Variants in MTMR6 observed in about 807,000 individuals in gnomAD.
MTMR6 encodes myotubularin related protein 6, also known as phosphatidylinositol-3,5-bisphosphate 3-phosphatase MTMR6.
Under a neutral mutation model 80.1 loss-of-function variants are expected in MTMR6, and 47 were observed. The ratio of observed to expected loss-of-function variants is 0.59; its 90% CI spans 0.46 to 0.75. MTMR6 has a LOEUF of 0.75. Among genes scored for constraint, MTMR6 ranks in the 30% least tolerant of loss-of-function variants. The pLI is 0.00. For synonymous variants in MTMR6, 254 were observed against 253.0 expected (o/e 1.00, Z -0.04); for missense variants, 629 against 730.9 (o/e 0.86, Z 1.61).
chr13:25,272,515 T>C (rs77043251), intron 2 of MTMR6, among the ~76,000 whole-genome samples: 2,827 of 152,248 alleles, frequency 0.019, 105 homozygotes, highest in African/African-American at 0.065. Flanking sequence ...ATTCTGAGGT[T>C]TGAGCTTTGA....
intron 2 of MTMR6, among the ~76,000 whole-genome samples, chr13:25,270,842 G>A (rs761407379): frequency 2.0e-5 from 3 of 152,064 alleles, no homozygotes; most frequent in Non-Finnish European, 1.5e-5. Context: ...GCAGTACAGG[G>A]GTGTACCACA....
chr13:25,269,486 A>G (rs1351357089), intron 2 of MTMR6, among the ~76,000 whole-genome samples: 2 of 152,174 alleles, frequency 1.3e-5, no homozygotes, highest in East Asian at 3.8e-4. Context: ...TAACACTCCT[A>G]TTAAAATATT....
At chr13:25,266,035 C>T in intron 4 of MTMR6, 88 bp from the exon 5 acceptor site, 1 of 1,592,050 alleles carries the variant, frequency 6.3e-7, no homozygotes, top group South Asian at 1.1e-5. Flanking sequence ...GCAAGAACAG[C>T]ACATTTCAGT....
chr13:25,265,360 G>C (rs943141254), intron 5 of MTMR6, among the ~76,000 whole-genome samples: 5 of 152,162 alleles, frequency 3.3e-5, no homozygotes, highest in Non-Finnish European at 7.4e-5. Flanking sequence ...GAAAATTTCT[G>C]TATTTGAGTA....
intron 5 of MTMR6, 86 bp downstream of exon 5, chr13:25,265,733 A>C: frequency 5.4e-6 from 4 of 736,390 alleles, no homozygotes; most frequent in Non-Finnish European, 7.2e-6. Flanking sequence ...CCCTATCTCA[A>C]AAAAAAAAAA....
chr13:25,247,635 T>C lies in MTMR6; in HGVS notation c.*1597A>G, dbSNP rs1022911548. The C allele has an allele frequency of 1.3e-5, 2 of 152,178 alleles. No individual in the cohort carries two copies. Among genetic ancestry groups the C allele is most frequent in the African/African-American group, 4.8e-5 (2 of 41,446 alleles). The allele number at this position is 152,178 out of a possible 1,614,324, so 9.4% of individuals were successfully genotyped here. On this transcript the variant is annotated 3_prime_UTR_variant, in exon 14 of 14. Coordinates refer to ENST00000381801, the MANE Select transcript of MTMR6 (RefSeq NM_004685.5). ...CCAGTGCTTAAATATGGAAGCAGGA[T>C]TGGTTAATCACATACTATATTTTAT...
intron 2 of MTMR6, among the ~76,000 whole-genome samples, chr13:25,272,210 T>C (rs906867206): frequency 6.6e-6 from 1 of 152,064 alleles, no homozygotes; most frequent in Non-Finnish European, 1.5e-5. Context: ...TAGAAGAAAA[T>C]ATAGAAGAAC....
At chr13:25,283,096 C>G (rs879467002) in intron 1 of MTMR6, among the ~76,000 whole-genome samples, 4 of 152,002 alleles carry the variant, frequency 2.6e-5, no homozygotes, top group Admixed American at 6.6e-5. Context: ...AGAAAAAAAT[C>G]TGACCACCTA....
chr13:25,281,342 A>G (rs1402431192), intron 1 of MTMR6, among the ~76,000 whole-genome samples: 1 of 151,788 alleles, frequency 6.6e-6, no homozygotes, highest in Non-Finnish European at 1.5e-5. Context: ...GTTGGAAAGG[A>G]AAGGAGAAAG....
At position 25,265,947 on chromosome 13, in the gene MTMR6, T is replaced by C; in HGVS notation, c.463A>G (p.Ile155Val). 1 of 1,613,050 alleles carries C rather than the reference T, an allele frequency of 6.2e-7. No individual in the cohort carries two copies. The highest frequency in any genetic ancestry group is 8.5e-7 in the Non-Finnish European group (1 of 1,179,078). ...QLSDANRDYK[I>V]CETYPRELYV... Reference sequence around the variant, plus strand: ...AGTTCTCTGGGGTAAGTTTCACAAATCTGTAAATATCAAACAAAACATAAC... The same window carrying C: ...AGTTCTCTGGGGTAAGTTTCACAAACCTGTAAATATCAAACAAAACATAAC... Residue 155 changes from isoleucine to valine, a missense_variant and splice_region_variant, in exon 5 of 14, where the codon ATT becomes GTT. Transcript: ENST00000381801.
rs1957973995 is a variant in MTMR6, at chr13:25,287,301, G to A, written c.-54C>T. 1 of 1,562,622 alleles carries A rather than the reference G, an allele frequency of 6.4e-7. No individual in the cohort carries two copies. Among genetic ancestry groups the A allele is most frequent in the African/African-American group, 1.4e-5 (1 of 73,734 alleles). On this transcript the variant is annotated 5_prime_UTR_variant, in exon 1 of 14. Coordinates refer to ENST00000381801, the MANE Select transcript of MTMR6 (RefSeq NM_004685.5). ...CTCACAGGCGTACCATACGGCTACAGAAACAGGGCGGTGACAGCGACAGAG... is the reference window on the plus strand; with the variant it reads ...CTCACAGGCGTACCATACGGCTACAAAAACAGGGCGGTGACAGCGACAGAG...
In MTMR6 at chr13:25,267,976, G is replaced by A. The variant is rs765194316; in HGVS notation, c.142-35C>T. The A allele has an allele frequency of 3.5e-5, 54 of 1,537,874 alleles. No homozygotes were observed. The South Asian group carries it at 6.2e-4, about 18-fold the overall frequency. ...GAAAAAACATCCAGGTCATCAACAT[G>A]GAAAGCACTAAATATTCTCTTCTAG... On this transcript the variant is annotated intron_variant, in intron 2 of 13. Transcript: ENST00000381801.
rs767521094 is a variant in MTMR6 at position 25,249,544 on chromosome 13, G to A, written c.1606-52C>T. 1.1e-5 allele frequency: 17 copies of A among 1,546,396 alleles called. No individual in the cohort carries two copies. In the African/African-American group the frequency reaches 2.1e-4, roughly 19 times the overall value. On this transcript the variant is annotated intron_variant, in intron 13 of 13. Transcript: ENST00000381801. ...TTACTAATTGCATAAGCCACAATAT[G>A]TTACATGAAAAAAGAAAACATGCTT...
chr13:25,260,398 C>T (rs1453230822), intron 6 of MTMR6, among the ~76,000 whole-genome samples: 3 of 152,296 alleles, frequency 2.0e-5, no homozygotes, highest in African/African-American at 7.2e-5. Flanking sequence ...AAACTCCTGA[C>T]CTCAGGTGAT....
chr13:25,252,786 T>A (rs1957118844), intron 11 of MTMR6, among the ~76,000 whole-genome samples: 1 of 152,232 alleles, frequency 6.6e-6, no homozygotes, highest in Non-Finnish European at 1.5e-5. Context: ...TGAATCACTG[T>A]AACATAGAGC....
chr13:25,257,575 C>T (rs1322469586), intron 8 of MTMR6, among the ~76,000 whole-genome samples, 161 bp downstream of exon 8: 1 of 151,228 alleles, frequency 6.6e-6, no homozygotes, highest in African/African-American at 2.4e-5. Context: ...ACATTAAGTG[C>T]TACATGATAT....
intron 1 of MTMR6, among the ~76,000 whole-genome samples, chr13:25,280,785 A>C (rs965176856): frequency 3.9e-5 from 6 of 152,252 alleles, no homozygotes; most frequent in African/African-American, 1.4e-4. Context: ...GACTTTGGGA[A>C]AAGAAAGAAC....
chr13:25,264,203 G>A (rs1489539604), intron 5 of MTMR6, among the ~76,000 whole-genome samples: 1 of 150,364 alleles, frequency 6.7e-6, no homozygotes, highest in Non-Finnish European at 1.5e-5. Flanking sequence ...AAACACCACA[G>A]CAAAAAAAGG....
At chr13:25,282,201 A>T (rs1305490505) in intron 1 of MTMR6, among the ~76,000 whole-genome samples, 2 of 151,982 alleles carry the variant, frequency 1.3e-5, no homozygotes, top group African/African-American at 4.8e-5. Context: ...CTCCCTCACC[A>T]GTTTCAGGTT....
Sources: gnomAD v4.1 joint callset for allele counts (sites outside exome capture counted in the v4.1 genomes callset) on GRCh38, gnomAD v4.1.1 for gene constraint, MANE v1.5 for transcripts, NCBI Gene and HGNC (gene_info 2026-07-23, HGNC 2026-07-21) for gene names.